SGCD: variants seen among roughly 807,000 people sequenced by gnomAD.
SGCD encodes delta-sarcoglycan.
In SGCD, 18 loss-of-function variants were observed where a neutral mutation model predicts 36.6. The observed-to-expected ratio is 0.49, with a 90% CI of 0.34 to 0.73. SGCD has a LOEUF of 0.73. Ranked by LOEUF, SGCD falls within the 30% of genes least tolerant of loss-of-function variation. The pLI is 0.01. For synonymous variants in SGCD, 133 were observed against 130.6 expected, an observed-to-expected ratio of 1.02 and a Z score of -0.12; for missense variants, 387 against 346.7, an observed-to-expected ratio of 1.12 and a Z score of -0.92.
intron 1 of SGCD, among the ~76,000 whole-genome samples, chr5:156,050,532 G>A (rs759668479): frequency 6.8e-6 from 1 of 146,538 alleles, no homozygotes; most frequent in African/African-American, 2.5e-5. Flanking sequence ...AACTGAGCCT[G>A]CAATATCTCT....
chr5:156,343,122 A>AG (rs1249094160), intron 2 of SGCD, among the ~76,000 whole-genome samples: 1 of 151,952 alleles, frequency 6.6e-6, no homozygotes, highest in African/African-American at 2.4e-5. Context: ...CAAAAAAAAA[A>AG]ATCATATTGT....
intron 3 of SGCD, among the ~76,000 whole-genome samples, chr5:156,205,326 A>T (rs761261112): frequency 3.9e-5 from 6 of 152,126 alleles, no homozygotes; most frequent in Non-Finnish European, 8.8e-5. Flanking sequence ...GTTACAGTTG[A>T]CATAAAATAG....
At chr5:155,981,903 A>C (rs1448560874) in intron 1 of SGCD, among the ~76,000 whole-genome samples, 1 of 152,186 alleles carries the variant, frequency 6.6e-6, no homozygotes, top group East Asian at 1.9e-4. Flanking sequence ...TTAGGGTGTC[A>C]GGACAAGGTT....
chr5:156,714,811 AT>A (rs1755147792), intron 7 of SGCD, among the ~76,000 whole-genome samples: 1 of 152,200 alleles, frequency 6.6e-6, no homozygotes. Context: ...AAAACAAGCC[AT>A]TCAGAACACA....
chr5:156,394,452 A>C (rs1341418738), intron 3 of SGCD, among the ~76,000 whole-genome samples: 1 of 152,046 alleles, frequency 6.6e-6, no homozygotes, highest in Non-Finnish European at 1.5e-5. Flanking sequence ...GAGAGATTGT[A>C]AGAGGTAACC....
chr5:156,024,266 C>T (rs1759176036), intron 1 of SGCD, among the ~76,000 whole-genome samples: 1 of 151,540 alleles, frequency 6.6e-6, no homozygotes, highest in Non-Finnish European at 1.5e-5. Flanking sequence ...GGATGGTGAT[C>T]AGGGAGGAAG....
At chr5:155,992,358 G>A (rs184990534) in intron 1 of SGCD, among the ~76,000 whole-genome samples, 16 of 152,152 alleles carry the variant, frequency 1.1e-4, no homozygotes, top group African/African-American at 2.9e-4. Context: ...GCGCTGCCTC[G>A]GGTGTGCAGA....
intron 3 of SGCD, among the ~76,000 whole-genome samples, chr5:156,180,620 G>C (rs1763585769): frequency 6.6e-6 from 1 of 152,166 alleles, no homozygotes; most frequent in South Asian, 2.1e-4. Context: ...CACTGAAAAT[G>C]AACTGACAAA....
chr5:156,473,234 C>T (rs955032943), intron 3 of SGCD, among the ~76,000 whole-genome samples: 1 of 151,642 alleles, frequency 6.6e-6, no homozygotes, highest in Non-Finnish European at 1.5e-5. Flanking sequence ...GTTCCAAGGC[C>T]ACCAGTAGAT....
At chr5:155,846,577 C>G in the SGCD span, among the ~76,000 whole-genome samples, 4 of 152,050 alleles carry the variant, frequency 2.6e-5, no homozygotes, top group African/African-American at 9.7e-5. Context: ...CCCTGTAAAA[C>G]CTAAAGATTA....
At chr5:156,637,065 CA>C (rs1762853448) in intron 6 of SGCD, among the ~76,000 whole-genome samples, 1 of 152,042 alleles carries the variant, frequency 6.6e-6, no homozygotes, top group African/African-American at 2.4e-5. Context: ...GGGAGGGACC[CA>C]GGGGGAGGTA....
At chr5:155,983,980 C>G in intron 1 of SGCD, among the ~76,000 whole-genome samples, 1 of 152,186 alleles carries the variant, frequency 6.6e-6, no homozygotes, top group Admixed American at 6.5e-5. Context: ...TCATGACCTT[C>G]TTCACTGACT....
intron 6 of SGCD, among the ~76,000 whole-genome samples, chr5:156,598,148 T>A (rs1761011326): frequency 6.6e-6 from 1 of 152,238 alleles, no homozygotes; most frequent in African/African-American, 2.4e-5. Flanking sequence ...TTTCCTATTT[T>A]CACAATTTAT....
At chr5:156,521,451 T>A (rs10061057) in intron 4 of SGCD, among the ~76,000 whole-genome samples, 1 of 152,200 alleles carries the variant, frequency 6.6e-6, no homozygotes, top group East Asian at 1.9e-4. Flanking sequence ...TTGCAATCTA[T>A]CCATCTGAGA....
chr5:155,869,677 G>A (rs112833118), upstream of SGCD, among the ~76,000 whole-genome samples: 1 of 151,122 alleles, frequency 6.6e-6, no homozygotes, highest in Non-Finnish European at 1.5e-5. Context: ...ACCTAGCCTC[G>A]GTGTTCTCAT....
At chr5:156,217,571 A>G (rs190184113) in intron 3 of SGCD, among the ~76,000 whole-genome samples, 1 of 152,154 alleles carries the variant, frequency 6.6e-6, no homozygotes, top group Non-Finnish European at 1.5e-5. Flanking sequence ...CAACTGTACT[A>G]TTTTTACACA....
the SGCD span, among the ~76,000 whole-genome samples, chr5:155,733,700 A>G: frequency 6.6e-6 from 1 of 152,054 alleles, no homozygotes; most frequent in Non-Finnish European, 1.5e-5. Context: ...TGGAGAAGTA[A>G]AAGTTGAAAG....
intron 6 of SGCD, among the ~76,000 whole-genome samples, chr5:156,599,292 T>A (rs1469757037): frequency 6.6e-6 from 1 of 152,184 alleles, no homozygotes; most frequent in African/African-American, 2.4e-5. Context: ...TAGCTGGGTT[T>A]TATCCTTATC....
chr5:156,288,798 T>C (rs1202833723), intron 3 of SGCD, among the ~76,000 whole-genome samples: 1 of 152,182 alleles, frequency 6.6e-6, no homozygotes, highest in Non-Finnish European at 1.5e-5. Flanking sequence ...TGTAAGAATG[T>C]TACTGCCTGA....
Sources: gnomAD v4.1 joint callset for allele counts (sites outside exome capture counted in the v4.1 genomes callset) on GRCh38, gnomAD v4.1.1 for gene constraint, MANE v1.5 for transcripts, NCBI Gene and HGNC (gene_info 2026-07-23, HGNC 2026-07-21) for gene names.